Variants in PTPRZ1 observed in about 807,000 individuals in gnomAD.
PTPRZ1 encodes the protein receptor-type tyrosine-protein phosphatase zeta.
PTPRZ1 carries 82 observed loss-of-function variants against 214.1 expected under a neutral mutation model. The observed-to-expected ratio is 0.38, with a 90% CI of 0.32 to 0.46. The LOEUF is 0.46. PTPRZ1 is among the 20% of genes least tolerant of loss of function. The probability of loss-of-function intolerance (pLI) is 1.00; values close to 1 mark genes in which losing one functional copy is unlikely to be tolerated. For missense variants in PTPRZ1, 2,603 were observed against 2,748.7 expected, an observed-to-expected ratio of 0.95 and a Z score of 1.19; for synonymous variants, 945 against 987.9, an observed-to-expected ratio of 0.96 and a Z score of 0.81.
chr7:122,029,706 A>G (rs1413515098), intron 14 of PTPRZ1, among the ~76,000 whole-genome samples: 2 of 151,658 alleles, frequency 1.3e-5, no homozygotes, highest in African/African-American at 4.8e-5. Flanking sequence ...CAAACATTTT[A>G]TTTATATTTT....
chr7:121,892,877 G>A (rs1050913280), intron 1 of PTPRZ1, among the ~76,000 whole-genome samples: 2 of 151,622 alleles, frequency 1.3e-5, no homozygotes, highest in African/African-American at 4.8e-5. Flanking sequence ...CTGCATGGTA[G>A]TGGGTATCTT....
intron 1 of PTPRZ1, among the ~76,000 whole-genome samples, chr7:121,892,952 T>C (rs1009470194): frequency 2.0e-5 from 3 of 151,832 alleles, no homozygotes; most frequent in South Asian, 4.1e-4. Context: ...TATTCAGAAA[T>C]AACAAAATAT....
intron 1 of PTPRZ1, among the ~76,000 whole-genome samples, chr7:121,895,096 T>A (rs371406033): frequency 8.5e-5 from 13 of 152,228 alleles, no homozygotes; most frequent in African/African-American, 3.1e-4. Context: ...AATCTTTAGC[T>A]ATTTTGATAT....
chr7:121,928,523 T>TG (rs1360025906), intron 2 of PTPRZ1, among the ~76,000 whole-genome samples: 5 of 151,804 alleles, frequency 3.3e-5, no homozygotes, highest in Non-Finnish European at 4.4e-5. Context: ...AACGGTGAAA[T>TG]GGGGGGCTGT....
chr7:121,975,744 CTT>C (rs527537763), intron 4 of PTPRZ1, among the ~76,000 whole-genome samples: 182 of 152,216 alleles, frequency 1.2e-3, no homozygotes, highest in African/African-American at 4.2e-3. Flanking sequence ...ACTTAAAACT[CTT>C]TTGGTATTTT....
In PTPRZ1 at chr7:122,061,293, C is replaced by A; in HGVS notation, c.*73C>A. 1 of 1,356,196 alleles carries A rather than the reference C, an allele frequency of 7.4e-7. No individual in the cohort carries two copies. Among genetic ancestry groups the A allele is most frequent in the Non-Finnish European group, 9.8e-7 (1 of 1,017,110 alleles). 84.0% of individuals were successfully genotyped at this position (1,356,196 alleles called of 1,614,324 possible). ...CCTAAAATTAGGCAGGAAAATCAGT[C>A]TAGTTCTGTTATCTGTTGATTTCCC... On this transcript the variant is annotated 3_prime_UTR_variant, in exon 30 of 30. Coordinates refer to ENST00000393386, the MANE Select transcript of PTPRZ1 (RefSeq NM_002851.3).
intron 1 of PTPRZ1, among the ~76,000 whole-genome samples, chr7:121,915,574 A>G (rs542945082): frequency 6.6e-5 from 10 of 152,310 alleles, no homozygotes; most frequent in Middle Eastern, 3.4e-3. Flanking sequence ...CTTGAATGAC[A>G]TATTAAAGAA....
At chr7:121,943,625 ACTG>A (rs1796295424) in intron 2 of PTPRZ1, among the ~76,000 whole-genome samples, 1 of 152,200 alleles carries the variant, frequency 6.6e-6, no homozygotes, top group Non-Finnish European at 1.5e-5. Context: ...GGCGTGAGCC[ACTG>A]CGCCCGGCCA....
In PTPRZ1 at chr7:122,019,133, A is replaced by G. The variant is rs1798937357; in HGVS notation, c.4853A>G (p.Asn1618Ser). The G allele has an allele frequency of 1.2e-6, 2 of 1,611,124 alleles. No individual in the cohort carries two copies. Among genetic ancestry groups the G allele is most frequent in the Non-Finnish European group, 1.7e-6 (2 of 1,177,944 alleles). The change falls in exon 13 of 30, where the codon AAT (asparagine) becomes AGT (serine). Residue 1618 changes from asparagine to serine, a missense_variant. Asn to Ser is a conservative substitution (Grantham distance 46, BLOSUM62 1). Coordinates refer to ENST00000393386, the MANE Select transcript of PTPRZ1 (RefSeq NM_002851.3). ...TTTTCTCTGACTACAGAGGCCAGTA[A>G]TAGTAGCCATGAGTCTCGTATTGGT... ...VFHVSEAEAS[N>S]SSHESRIGLA...
At chr7:122,046,411 AAAAAT>A (rs1025804854) in intron 23 of PTPRZ1, among the ~76,000 whole-genome samples, 22 of 152,202 alleles carry the variant, frequency 1.4e-4, no homozygotes, top group African/African-American at 5.3e-4. Flanking sequence ...TTGTCTCTAA[AAAAAT>A]AAAAAAGAAA....
intron 25 of PTPRZ1, among the ~76,000 whole-genome samples, chr7:122,052,481 C>T (rs534672400): frequency 1.2e-4 from 18 of 152,262 alleles, no homozygotes; most frequent in South Asian, 8.3e-4. Flanking sequence ...CAATCAATCA[C>T]GGAGCTTGGC....
intron 2 of PTPRZ1, among the ~76,000 whole-genome samples, chr7:121,962,786 G>A (rs773634255): frequency 5.3e-5 from 8 of 151,658 alleles, no homozygotes; most frequent in Non-Finnish European, 1.2e-4. Flanking sequence ...GGCTGGTCTC[G>A]AACTCCTGAC....
chr7:121,973,061 G>A (rs1797307550), intron 4 of PTPRZ1, among the ~76,000 whole-genome samples: 1 of 152,216 alleles, frequency 6.6e-6, no homozygotes, highest in East Asian at 1.9e-4. Context: ...AAAAATGAGT[G>A]TGTAGTGAAA....
At chr7:121,996,914 T>C (rs1798160969) in intron 9 of PTPRZ1, among the ~76,000 whole-genome samples, 1 of 152,156 alleles carries the variant, frequency 6.6e-6, no homozygotes. Flanking sequence ...TTTTATATTG[T>C]GTCTTCCATT....
At chr7:121,934,177 C>G (rs1169711401) in intron 2 of PTPRZ1, among the ~76,000 whole-genome samples, 1 of 152,048 alleles carries the variant, frequency 6.6e-6, no homozygotes, top group African/African-American at 2.4e-5. Flanking sequence ...TAATTTTTGA[C>G]AAATATGTTG....
intron 26 of PTPRZ1, among the ~76,000 whole-genome samples, chr7:122,054,629 G>T (rs1366397422): frequency 6.6e-6 from 1 of 151,978 alleles, no homozygotes; most frequent in Admixed American, 6.6e-5. Flanking sequence ...CATGAGGCTG[G>T]AAATTTCTGA....
intron 1 of PTPRZ1, among the ~76,000 whole-genome samples, chr7:121,917,955 C>G (rs912049505): frequency 7.9e-5 from 12 of 151,652 alleles, no homozygotes; most frequent in Non-Finnish European, 4.4e-5. Context: ...TTGAAAATGT[C>G]TTAAATCATT....
chr7:121,893,164 T>C (rs960454869), intron 1 of PTPRZ1, among the ~76,000 whole-genome samples: 3 of 152,158 alleles, frequency 2.0e-5, no homozygotes, highest in East Asian at 1.9e-4. Context: ...GCCTTTTGAA[T>C]CTAAAATATA....
chr7:121,911,097 C>T (rs1052939762), intron 1 of PTPRZ1, among the ~76,000 whole-genome samples: 1 of 151,992 alleles, frequency 6.6e-6, no homozygotes, highest in Non-Finnish European at 1.5e-5. Context: ...GTTACAAATA[C>T]GAGGATTTTT....
Sources: allele counts gnomAD v4.1 joint callset (sites outside exome capture counted in the v4.1 genomes callset), GRCh38; gene constraint gnomAD v4.1.1; transcripts MANE v1.5; gene names NCBI Gene and HGNC (gene_info 2026-07-23, HGNC 2026-07-21).